The following SEMA3A variants were observed in gnomAD, a reference collection of about 807,000 sequenced individuals.
The protein encoded by SEMA3A is semaphorin-3A.
SEMA3A carries 29 observed loss-of-function variants against 97.9 expected under a neutral mutation model. The observed-to-expected ratio is 0.30, with a 90% CI of 0.22 to 0.40. The LOEUF (loss-of-function observed/expected upper bound fraction) is 0.40, where lower values mean the gene tolerates loss of function less well. Among genes scored for constraint, SEMA3A ranks in the 10% least tolerant of loss-of-function variants. The probability of loss-of-function intolerance (pLI) is 1.00; values close to 1 mark genes in which losing one functional copy is unlikely to be tolerated. For missense variants in SEMA3A, 763 were observed against 951.3 expected, an observed-to-expected ratio of 0.80 and a Z score of 2.60; for synonymous variants, 321 against 323.7, an observed-to-expected ratio of 0.99 and a Z score of 0.09.
intron 3 of SEMA3A, among the ~76,000 whole-genome samples, chr7:84,259,656 A>G: frequency 6.6e-6 from 1 of 152,122 alleles, no homozygotes; most frequent in South Asian, 2.1e-4. Flanking sequence ...AAAAATGGGA[A>G]TCTTCCCTTG....
intron 14 of SEMA3A, among the ~76,000 whole-genome samples, chr7:83,977,788 C>CTTTTTTTTTTTTTTTTT (rs139682272): frequency 7.1e-6 from 1 of 141,088 alleles, no homozygotes; most frequent in Non-Finnish European, 1.5e-5. Flanking sequence ...TCAACCTATC[C>CTTTTTTTTTTTTTTTTT]TTTTTTTTTT....
intron 3 of SEMA3A, among the ~76,000 whole-genome samples, chr7:84,123,680 A>G (rs1368593207): frequency 1.3e-5 from 2 of 149,080 alleles, no homozygotes. Flanking sequence ...TAAAAGAACA[A>G]TAAGTGTTAT....
At chr7:84,306,824 T>C (rs958851040) in intron 3 of SEMA3A, among the ~76,000 whole-genome samples, 16 of 152,230 alleles carry the variant, frequency 1.1e-4, no homozygotes, top group South Asian at 2.1e-4. Context: ...CCAATAAATG[T>C]AGAAGGAGCA....
chr7:84,322,981 C>T (rs1801686870), intron 2 of SEMA3A, among the ~76,000 whole-genome samples: 1 of 152,118 alleles, frequency 6.6e-6, no homozygotes, highest in African/African-American at 2.4e-5. Context: ...ACTGCATTCA[C>T]TGGACAAAAT....
intron 4 of SEMA3A, among the ~76,000 whole-genome samples, chr7:84,069,519 T>C (rs995649308): frequency 6.6e-6 from 1 of 152,164 alleles, no homozygotes; most frequent in African/African-American, 2.4e-5. Flanking sequence ...TTATAAGGCA[T>C]GTTTGAAATA....
intron 3 of SEMA3A, among the ~76,000 whole-genome samples, chr7:84,242,737 C>T (rs991884996): frequency 2.0e-5 from 3 of 152,084 alleles, no homozygotes; most frequent in Non-Finnish European, 4.4e-5. Context: ...ATGCTTCCAG[C>T]TTTTGCCCAT....
chr7:84,428,734 T>A (rs1438933873), intron 1 of SEMA3A, among the ~76,000 whole-genome samples: 2 of 151,972 alleles, frequency 1.3e-5, no homozygotes, highest in Non-Finnish European at 2.9e-5. Context: ...AATTTATCAG[T>A]AAAAAGAAAA....
intron 1 of SEMA3A, among the ~76,000 whole-genome samples, chr7:84,150,272 G>A (rs1380654552): frequency 1.3e-5 from 2 of 152,214 alleles, no homozygotes; most frequent in Non-Finnish European, 2.9e-5. Flanking sequence ...CCAGTCTACA[G>A]CTCCCAGCGT....
chr7:84,188,892 T>C (rs1797960475), intron 1 of SEMA3A, among the ~76,000 whole-genome samples: 2 of 151,868 alleles, frequency 1.3e-5, no homozygotes, highest in African/African-American at 4.8e-5. Context: ...AATTCTTCTG[T>C]TTTGTGAATG....
Position 84,011,226 on chromosome 7 carries a change from T to G in SEMA3A, c.882A>C (p.Ser294=), listed in dbSNP as rs1199268862. ...TTFLKARLIC[S]VPGPNGIDTH... is the part of the protein sequence containing the mutation. The stretch of plus-strand genomic sequence containing the variant: ...TGTCAATGCCATTTGGACCTGGCAC[T>G]GAGCAAATCAGACGAGCTTTGAGGA... Residue 294 remains serine (S), a synonymous_variant, in exon 8 of 17, where the codon TCA becomes TCC. Coordinates refer to ENST00000265362, the MANE Select transcript of SEMA3A (RefSeq NM_006080.3). The G allele has an allele frequency of 6.2e-7, 1 of 1,614,022 alleles. No individual in the cohort carries two copies. The highest frequency in any genetic ancestry group is 1.3e-5 in the African/African-American group (1 of 75,054).
At chr7:84,155,203 G>C (rs896303577) in intron 1 of SEMA3A, among the ~76,000 whole-genome samples, 1 of 152,142 alleles carries the variant, frequency 6.6e-6, no homozygotes, top group Non-Finnish European at 1.5e-5. Context: ...TCCCCGTGAA[G>C]ATTTTCATGA....
At chr7:84,439,087 T>C (rs1405876046) in intron 1 of SEMA3A, among the ~76,000 whole-genome samples, 11 of 151,678 alleles carry the variant, frequency 7.3e-5, no homozygotes, top group Non-Finnish European at 2.9e-5. Flanking sequence ...TTGACTACTC[T>C]GCTAAATCTA....
intron 3 of SEMA3A, among the ~76,000 whole-genome samples, chr7:84,240,428 G>C (rs1799331279): frequency 6.6e-6 from 1 of 151,078 alleles, no homozygotes; most frequent in African/African-American, 2.4e-5. Flanking sequence ...AGGGCGGGGG[G>C]ATTGGGCATA....
At chr7:84,289,526 G>C (rs1177135502) in intron 3 of SEMA3A, among the ~76,000 whole-genome samples, 2 of 151,790 alleles carry the variant, frequency 1.3e-5, no homozygotes, top group Non-Finnish European at 2.9e-5. Flanking sequence ...AAATAATAAA[G>C]ATAGATGCAC....
At chr7:84,357,409 G>C (rs1802591714) in intron 2 of SEMA3A, among the ~76,000 whole-genome samples, 1 of 151,798 alleles carries the variant, frequency 6.6e-6, no homozygotes, top group African/African-American at 2.4e-5. Flanking sequence ...CTTTGCGATA[G>C]TTTGCTGAGA....
chr7:84,279,919 C>T (rs762946905), intron 3 of SEMA3A, among the ~76,000 whole-genome samples: 5 of 151,874 alleles, frequency 3.3e-5, no homozygotes, highest in Non-Finnish European at 7.4e-5. Context: ...TATTTTTGAC[C>T]TAAGGTCTCA....
In SEMA3A at chr7:83,957,291, C is replaced by G. The variant is rs1401347727; in HGVS notation, c.*4080G>C. The G allele has an allele frequency of 6.6e-6, 1 of 152,060 alleles. No individual in the cohort carries two copies. The highest frequency in any genetic ancestry group is 2.4e-5 in the African/African-American group (1 of 41,408). 9.4% of individuals were successfully genotyped at this position (152,060 alleles called of 1,614,324 possible). A position where few individuals can be genotyped will look rare whatever the true frequency, so the allele number is the denominator to read the frequency against. ...TGTTTCCTTAATTTCATTGTGAGCTCTTTGAGAACAAGGGTTATGTCTTAT... is the reference window on the plus strand; with the variant it reads ...TGTTTCCTTAATTTCATTGTGAGCTGTTTGAGAACAAGGGTTATGTCTTAT... On this transcript the variant is annotated 3_prime_UTR_variant, in exon 17 of 17. Coordinates refer to ENST00000265362, the MANE Select transcript of SEMA3A (RefSeq NM_006080.3).
chr7:84,402,557 C>T (rs1280204455), intron 1 of SEMA3A, among the ~76,000 whole-genome samples: 2 of 152,084 alleles, frequency 1.3e-5, no homozygotes, highest in Admixed American at 6.5e-5. Flanking sequence ...ATGTTTATTG[C>T]AGCACTATTT....
chr7:84,167,739 C>T (rs533895140), intron 1 of SEMA3A, among the ~76,000 whole-genome samples: 2 of 152,260 alleles, frequency 1.3e-5, no homozygotes, highest in South Asian at 4.1e-4. Flanking sequence ...CCAATTTCTT[C>T]ATTTTTCTAG....
Sources: allele counts gnomAD v4.1 joint callset (sites outside exome capture counted in the v4.1 genomes callset), GRCh38; gene constraint gnomAD v4.1.1; transcripts MANE v1.5; gene names NCBI Gene and HGNC (gene_info 2026-07-23, HGNC 2026-07-21).